BBS12: variants seen among roughly 807,000 people sequenced by gnomAD.
BBS12 encodes the protein chaperonin-containing T-complex member BBS12.
BBS12 carries 5 observed loss-of-function variants against 5.6 expected under a neutral mutation model. That is an observed-to-expected ratio of 0.89 (90% CI 0.46 to 1.86). The LOEUF is 1.86. BBS12 is among the 40% of genes most tolerant of loss of function. BBS12 has a pLI of 0.01. For synonymous variants in BBS12, 308 were observed against 306.8 expected (o/e 1.00, Z -0.04); for missense variants, 748 against 830.4 (o/e 0.90, Z 1.22).
At chr4:122,740,106 A>T (rs183674784) in intron 1 of BBS12, among the ~76,000 whole-genome samples, 3,549 of 138,992 alleles carry the variant, frequency 0.026, 134 homozygotes, top group African/African-American at 0.096. Flanking sequence ...TCCCATCTCT[A>T]CAAAAAAAAT....
chr4:122,729,771 C>T (rs1277374439), upstream of BBS12: 1 of 152,090 alleles, frequency 6.6e-6, no homozygotes, highest in Non-Finnish European at 1.5e-5. Flanking sequence ...CACAGTGAAA[C>T]TCCGTCTCTA....
chr4:122,733,145 T>G (rs924841239), intron 1 of BBS12, among the ~76,000 whole-genome samples: 5 of 152,128 alleles, frequency 3.3e-5, no homozygotes, highest in African/African-American at 1.2e-4. Flanking sequence ...TCCTCCCTGT[T>G]TTGGGCAGGG....
chr4:122,718,715 A>AAAT, the BBS12 span, among the ~76,000 whole-genome samples: 3 of 114,082 alleles, frequency 2.6e-5, no homozygotes, highest in African/African-American at 1.2e-4. Context: ...ATTCGATGTG[A>AAAT]AATGAAATGA....
intron 1 of BBS12, among the ~76,000 whole-genome samples, chr4:122,741,181 T>G (rs923775611): frequency 6.6e-6 from 1 of 152,124 alleles, no homozygotes; most frequent in Admixed American, 6.5e-5. Context: ...CTACATGTTT[T>G]TTTTTGTTGT....
chr4:122,733,376 AACACACACACACACAC>A (rs3034555), intron 1 of BBS12, among the ~76,000 whole-genome samples: 30 of 88,176 alleles, frequency 3.4e-4, no homozygotes, highest in African/African-American at 8.6e-4. Flanking sequence ...CTCCAACCCC[AACACACACACACACAC>A]ACACACACAC....
At chr4:122,731,440 A>G (rs1342780984), upstream of BBS12, 1 of 152,080 alleles carries the variant, frequency 6.6e-6, no homozygotes, top group African/African-American at 2.4e-5. Context: ...CCTATCTCCC[A>G]TCCTTAAAAA....
the BBS12 span, among the ~76,000 whole-genome samples, chr4:122,715,570 A>G: frequency 6.6e-6 from 1 of 152,260 alleles, no homozygotes; most frequent in South Asian, 2.1e-4. Context: ...GTGATTTCTT[A>G]TCTTCCACCA....
At chr4:122,714,647 C>T in the BBS12 span, among the ~76,000 whole-genome samples, 55,515 of 150,838 alleles carry the variant, frequency 0.37, 10,687 homozygotes, top group East Asian at 0.65. Flanking sequence ...TAAATATATA[C>T]ACACACACAC....
the BBS12 span, among the ~76,000 whole-genome samples, chr4:122,719,354 A>C: frequency 1.3e-5 from 2 of 152,138 alleles, no homozygotes; most frequent in African/African-American, 4.8e-5. Context: ...TAAGGGAATA[A>C]AAGCTGGCCA....
At chr4:122,713,777 A>T in the BBS12 span, among the ~76,000 whole-genome samples, 1 of 152,244 alleles carries the variant, frequency 6.6e-6, no homozygotes, top group Non-Finnish European at 1.5e-5. Context: ...ACTGCTTGGA[A>T]GACTTGCCAG....
At chr4:122,714,680 T>C in the BBS12 span, among the ~76,000 whole-genome samples, 513 of 151,994 alleles carry the variant, frequency 3.4e-3, 3 homozygotes, top group African/African-American at 0.011. Flanking sequence ...ACAAGCTAAC[T>C]TCCTGTAAAG....
the BBS12 span, among the ~76,000 whole-genome samples, chr4:122,708,118 C>A: frequency 3.3e-5 from 5 of 151,544 alleles, no homozygotes; most frequent in Admixed American, 3.3e-4. Context: ...CTCAAGTGAT[C>A]CTCCCACATC....
At chr4:122,738,744 A>G (rs1800822705) in intron 1 of BBS12, among the ~76,000 whole-genome samples, 1 of 152,240 alleles carries the variant, frequency 6.6e-6, no homozygotes, top group South Asian at 2.1e-4. Context: ...CAAATGGCCA[A>G]TGCACATGAA....
chr4:122,724,825 G>C, the BBS12 span, among the ~76,000 whole-genome samples: 1 of 152,086 alleles, frequency 6.6e-6, no homozygotes, highest in Non-Finnish European at 1.5e-5. Flanking sequence ...TATACAAGAA[G>C]TTATCCCTAA....
intron 1 of BBS12, among the ~76,000 whole-genome samples, chr4:122,734,703 G>T (rs1800759921): frequency 6.6e-6 from 1 of 152,280 alleles, no homozygotes; most frequent in Admixed American, 6.5e-5. Context: ...TTAAATGGCG[G>T]AGTAGTATAT....
At chr4:122,716,699 G>A in the BBS12 span, among the ~76,000 whole-genome samples, 4 of 108,214 alleles carry the variant, frequency 3.7e-5, no homozygotes, top group Non-Finnish European at 6.8e-5. Flanking sequence ...GTGTATGTGT[G>A]TGTATACATA....
chr4:122,712,689 T>C, the BBS12 span, among the ~76,000 whole-genome samples: 1 of 152,224 alleles, frequency 6.6e-6, no homozygotes, highest in East Asian at 1.9e-4. Context: ...TCACATATAG[T>C]GCCAATTTCC....
At chr4:122,708,625 G>A in the BBS12 span, among the ~76,000 whole-genome samples, 1 of 139,426 alleles carries the variant, frequency 7.2e-6, no homozygotes, top group Non-Finnish European at 1.5e-5. Context: ...AATTTGGGAT[G>A]TAGTATTATA....
upstream of BBS12, chr4:122,731,435 C>G (rs931229315): frequency 2.0e-5 from 3 of 152,182 alleles, no homozygotes; most frequent in African/African-American, 7.2e-5. Flanking sequence ...CTCTTCCTAT[C>G]TCCCATCCTT....
Sources: gnomAD v4.1 joint callset for allele counts (sites outside exome capture counted in the v4.1 genomes callset) on GRCh38, gnomAD v4.1.1 for gene constraint, MANE v1.5 for transcripts, NCBI Gene and HGNC (gene_info 2026-07-23, HGNC 2026-07-21) for gene names.